TAOK3: variants seen among roughly 807,000 people sequenced by gnomAD.
TAOK3 encodes TAO kinase 3, also known as serine/threonine-protein kinase TAO3.
TAOK3 carries 40 observed loss-of-function variants against 120.4 expected under a neutral mutation model. The ratio of observed to expected loss-of-function variants is 0.33; its 90% CI spans 0.26 to 0.43. The LOEUF (loss-of-function observed/expected upper bound fraction) is 0.43. TAOK3 is among the 20% of genes least tolerant of loss of function. The probability of loss-of-function intolerance (pLI) is 1.00; values close to 1 mark genes in which losing one functional copy is unlikely to be tolerated. For synonymous variants in TAOK3, 355 were observed against 387.5 expected, an observed-to-expected ratio of 0.92 and a Z score of 0.99; for missense variants, 821 against 1,112.1, an observed-to-expected ratio of 0.74 and a Z score of 3.72.
chr12:118,282,214 T>TAA (rs1272506553), intron 1 of TAOK3, among the ~76,000 whole-genome samples: 1 of 152,256 alleles, frequency 6.6e-6, no homozygotes, highest in Non-Finnish European at 1.5e-5. Context: ...CAAACCTCTA[T>TAA]AACCTCTTTT....
chr12:118,233,580 T>C (rs1016068368), intron 9 of TAOK3, 94 bp downstream of exon 9: 1 of 979,054 alleles, frequency 1.0e-6, no homozygotes, highest in African/African-American at 1.6e-5. Flanking sequence ...GATGAATAAC[T>C]CCTAATCATT....
intron 13 of TAOK3, among the ~76,000 whole-genome samples, chr12:118,190,706 C>T (rs2037389161): frequency 6.6e-6 from 1 of 152,204 alleles, no homozygotes; most frequent in Admixed American, 6.5e-5. Context: ...TAATCAAGCC[C>T]ATGCTTCTTG....
At chr12:118,270,832 G>A (rs2140313781) in intron 1 of TAOK3, among the ~76,000 whole-genome samples, 1 of 151,852 alleles carries the variant, frequency 6.6e-6, no homozygotes, top group East Asian at 1.9e-4. Flanking sequence ...CCGCCACCAC[G>A]CCCAGCTAAT....
intron 1 of TAOK3, among the ~76,000 whole-genome samples, chr12:118,369,097 A>G (rs2045828887): frequency 6.6e-6 from 1 of 151,830 alleles, no homozygotes; most frequent in South Asian, 2.1e-4. Context: ...CTGAGGCAAG[A>G]GGATCGCTTG....
At chr12:118,222,541 A>G (rs775620771) in intron 9 of TAOK3, among the ~76,000 whole-genome samples, 5 of 152,030 alleles carry the variant, frequency 3.3e-5, no homozygotes, top group Admixed American at 6.6e-5. Flanking sequence ...CGAAAAAAAA[A>G]AAAGAAAGAA....
intron 1 of TAOK3, among the ~76,000 whole-genome samples, chr12:118,291,148 G>T (rs1027845768): frequency 6.6e-6 from 1 of 151,280 alleles, no homozygotes; most frequent in Admixed American, 6.6e-5. Flanking sequence ...GAGCCACCGC[G>T]CCCGGCCGGG....
intron 11 of TAOK3, among the ~76,000 whole-genome samples, chr12:118,202,527 T>C (rs2139298633): frequency 6.6e-6 from 1 of 152,286 alleles, no homozygotes; most frequent in East Asian, 1.9e-4. Context: ...TTGCCACTTA[T>C]TATCGCTTAT....
chr12:118,255,428 A>G lies in TAOK3; in HGVS notation c.120+20T>C. On this transcript the variant is annotated intron_variant, in intron 3 of 20. Coordinates refer to ENST00000392533, the MANE Select transcript of TAOK3 (RefSeq NM_016281.4). ...CCTTTCTTAATCTGATCTATCTAAA[A>G]GACTCTTTTAAGTACTTACAAAATA... The G allele has an allele frequency of 6.2e-7, 1 of 1,613,574 alleles. No individual in the cohort carries two copies. Among genetic ancestry groups the G allele is most frequent in the South Asian group, 1.1e-5 (1 of 91,046 alleles).
Position 118,255,620 on chromosome 12 carries a change from A to C in TAOK3, c.-53T>G. On this transcript the variant is annotated 5_prime_UTR_variant, in exon 3 of 21. An upstream start codon of the reference 5' UTR is lost. Coordinates refer to ENST00000392533, the MANE Select transcript of TAOK3 (RefSeq NM_016281.4). ...TTGATATCAGTTAGCTTTATTTCTC[A>C]TTGACAATTTTTTTTGGGGGGTAAA... 1 of 1,533,742 alleles carries C rather than the reference A, an allele frequency of 6.5e-7. No individual in the cohort carries two copies. The highest frequency in any genetic ancestry group is 1.3e-5 in the South Asian group (1 of 78,542).
intron 1 of TAOK3, among the ~76,000 whole-genome samples, chr12:118,272,795 A>AC (rs528630767): frequency 2.0e-5 from 3 of 151,478 alleles, no homozygotes; most frequent in African/African-American, 7.3e-5. Context: ...ACACAGTGAG[A>AC]CCCCCGTCTC....
chr12:118,321,622 A>AG, intron 1 of TAOK3, among the ~76,000 whole-genome samples: 1 of 152,332 alleles, frequency 6.6e-6, no homozygotes, highest in Non-Finnish European at 1.5e-5. Flanking sequence ...CATAATTAAA[A>AG]TATATGCTTC....
At chr12:118,309,389 C>T (rs182805230) in intron 1 of TAOK3, among the ~76,000 whole-genome samples, 8 of 150,492 alleles carry the variant, frequency 5.3e-5, no homozygotes, top group South Asian at 4.2e-4. Flanking sequence ...AAATTATGGA[C>T]ATCCTAAGTT....
intron 11 of TAOK3, among the ~76,000 whole-genome samples, chr12:118,204,814 G>A (rs1173878501): frequency 6.6e-6 from 1 of 152,164 alleles, no homozygotes; most frequent in Non-Finnish European, 1.5e-5. Context: ...CAGATCACCT[G>A]AGACTAAGAG....
intron 1 of TAOK3, chr12:118,359,264 T>TC (rs1011107885): frequency 3.9e-5 from 6 of 152,080 alleles, no homozygotes; most frequent in African/African-American, 7.2e-5. Flanking sequence ...TCCAGAATTT[T>TC]CCCCCCAGTA....
intron 1 of TAOK3, among the ~76,000 whole-genome samples, chr12:118,345,244 T>C (rs1464306913): frequency 6.6e-6 from 1 of 152,184 alleles, no homozygotes; most frequent in Non-Finnish European, 1.5e-5. Flanking sequence ...CAAAGTAGAA[T>C]AGATTAAATT....
intron 1 of TAOK3, among the ~76,000 whole-genome samples, chr12:118,361,778 AT>A (rs2045606858): frequency 6.6e-6 from 1 of 151,830 alleles, no homozygotes; most frequent in Non-Finnish European, 1.5e-5. Context: ...TTTCCTTATT[AT>A]TTTTAAAATT....
At chr12:118,342,696 G>A (rs1026325553) in intron 1 of TAOK3, among the ~76,000 whole-genome samples, 4 of 152,066 alleles carry the variant, frequency 2.6e-5, no homozygotes, top group Admixed American at 1.3e-4. Flanking sequence ...CAATTTTCCC[G>A]GCTGAGGCAA....
rs1263315309 is a variant in TAOK3 at position 118,233,607 on chromosome 12, C to T, written c.643+67G>A. 4.2e-6 allele frequency: 5 copies of T among 1,200,038 alleles called. No individual in the cohort carries two copies. In the Admixed American group the frequency reaches 8.7e-5, roughly 21 times the overall value. 74.3% of individuals were successfully genotyped at this position (1,200,038 alleles called of 1,614,324 possible). A position where few individuals can be genotyped will look rare whatever the true frequency, so the allele number is the denominator to read the frequency against. On this transcript the variant is annotated intron_variant, in intron 9 of 20. Coordinates refer to ENST00000392533, the MANE Select transcript of TAOK3 (RefSeq NM_016281.4). ...CTAATCATTATGATTCTTAAAAATA[C>T]AATGAAAATTCATCTGCAAAATAGA... is the stretch of plus-strand genomic sequence containing the variant.
intron 1 of TAOK3, among the ~76,000 whole-genome samples, chr12:118,337,421 C>G (rs1221692881): frequency 2.0e-5 from 3 of 152,242 alleles, no homozygotes; most frequent in South Asian, 2.1e-4. Context: ...GGCATTTGTC[C>G]CAGGGAAATG....
Sources: allele counts gnomAD v4.1 joint callset (sites outside exome capture counted in the v4.1 genomes callset), GRCh38; gene constraint gnomAD v4.1.1; transcripts MANE v1.5; gene names NCBI Gene and HGNC (gene_info 2026-07-23, HGNC 2026-07-21).